SH3PXD2A: variants seen among roughly 807,000 people sequenced by gnomAD.
SH3PXD2A encodes SH3 and PX domains 2A, also known as SH3 and PX domain-containing protein 2A.
Under a neutral mutation model 115.2 loss-of-function variants are expected in SH3PXD2A, and 32 were observed. The observed-to-expected ratio is 0.28, with a 90% CI of 0.21 to 0.37. The LOEUF is 0.37. SH3PXD2A is among the 10% of genes least tolerant of loss of function. SH3PXD2A has a pLI of 1.00. For missense variants in SH3PXD2A, 1,328 were observed against 1,498.7 expected (o/e 0.89, Z 1.88); for synonymous variants, 610 against 629.1 (o/e 0.97, Z 0.45).
chr10:103,671,634 T>C (rs2037461280), intron 6 of SH3PXD2A, among the ~76,000 whole-genome samples: 1 of 152,128 alleles, frequency 6.6e-6, no homozygotes, highest in African/African-American at 2.4e-5. Context: ...CCCTTCTCCC[T>C]CATTACAATG....
chr10:103,693,092 G>A (rs1310330427), intron 5 of SH3PXD2A, 36 bp from the exon 6 acceptor site: 1 of 1,606,208 alleles, frequency 6.2e-7, no homozygotes, highest in African/African-American at 1.3e-5. Context: ...ACATGGTTAG[G>A]GCCGGGCGCG....
chr10:103,695,630 G>A (rs1365809371), intron 5 of SH3PXD2A, among the ~76,000 whole-genome samples: 1 of 152,112 alleles, frequency 6.6e-6, no homozygotes. Flanking sequence ...CATCTAGAAA[G>A]TGGTTAAAAT....
chr10:103,810,927 C>CAG (rs1345941105), intron 1 of SH3PXD2A, among the ~76,000 whole-genome samples: 1 of 4,592 alleles, frequency 2.2e-4, no homozygotes, highest in Non-Finnish European at 6.6e-4. Flanking sequence ...CACGGAGACA[C>CAG]ACACATGGAC....
rs542166181 is a variant in SH3PXD2A, at chr10:103,851,378, C to T, written c.72+3817G>A. Among the ~76,000 whole-genome samples the T allele has an allele frequency of 2.0e-5, 3 of 152,286 alleles. No individual in the cohort carries two copies. In the East Asian group the frequency reaches 5.8e-4, roughly 29 times the overall value. ...CACAGTGACCCGCCTGCGTTGCCCA[C>T]CATGAACTCACCTGCAGGGCACATG... On this transcript the variant is annotated intron_variant, in intron 1 of 14. Coordinates refer to ENST00000369774, the MANE Select transcript of SH3PXD2A (RefSeq NM_001394015.1).
At chr10:103,744,462 C>G (rs1017991908) in intron 3 of SH3PXD2A, among the ~76,000 whole-genome samples, 1 of 152,114 alleles carries the variant, frequency 6.6e-6, no homozygotes, top group African/African-American at 2.4e-5. Flanking sequence ...CCCTGCTTGT[C>G]TTTTTAAGTG....
intron 1 of SH3PXD2A, among the ~76,000 whole-genome samples, chr10:103,820,651 A>C (rs1248985809): frequency 6.6e-6 from 1 of 150,878 alleles, no homozygotes; most frequent in Non-Finnish European, 1.5e-5. Flanking sequence ...ACCCTTGCTC[A>C]CACCCAGGCC....
intron 1 of SH3PXD2A, among the ~76,000 whole-genome samples, chr10:103,847,589 C>T (rs7906908): frequency 0.87 from 132,260 of 152,176 alleles, 58,672 homozygotes; most frequent in East Asian, 0.99. Context: ...CCTTTTGAAG[C>T]ACTGGGATTA....
chr10:103,851,024 T>C (rs1449956158), intron 1 of SH3PXD2A, among the ~76,000 whole-genome samples: 2 of 150,524 alleles, frequency 1.3e-5, no homozygotes, highest in Non-Finnish European at 3.0e-5. Context: ...CAGGTAGGAT[T>C]CAAGCACTGA....
chr10:103,616,037 G>A (rs1272226301), intron 11 of SH3PXD2A, among the ~76,000 whole-genome samples: 1 of 150,698 alleles, frequency 6.6e-6, no homozygotes, highest in Admixed American at 6.6e-5. Context: ...GGCGGGGTGG[G>A]GGCGGGGTAG....
At chr10:103,722,948 C>G (rs561207270) in intron 5 of SH3PXD2A, among the ~76,000 whole-genome samples, 11 of 152,306 alleles carry the variant, frequency 7.2e-5, no homozygotes, top group Admixed American at 2.0e-4. Flanking sequence ...CCTCGAAATG[C>G]CCAGGCTATT....
rs927751864 is a variant in SH3PXD2A at position 103,706,585 on chromosome 10, C to T, written c.399-13529G>A. On this transcript the variant is annotated intron_variant, in intron 5 of 14. Transcript: ENST00000369774. ...ACAGTAGGCTCCCTGAGAGCAGGAACTGTGTGTGTCTTGCCAGGCCCAGCA... is the reference window on the plus strand; with the variant it reads ...ACAGTAGGCTCCCTGAGAGCAGGAATTGTGTGTGTCTTGCCAGGCCCAGCA... Among the ~76,000 whole-genome samples, 8 of 152,328 alleles carry T rather than the reference C, an allele frequency of 5.3e-5. No homozygotes were observed. The East Asian group carries it at 9.6e-4, about 18-fold the overall frequency.
intron 2 of SH3PXD2A, among the ~76,000 whole-genome samples, chr10:103,771,707 C>T (rs1283447686): frequency 2.6e-5 from 4 of 151,082 alleles, no homozygotes; most frequent in Non-Finnish European, 5.9e-5. Context: ...TGCACTCCAG[C>T]CTGGGCAACA....
rs143955346 is a variant in SH3PXD2A, at chr10:103,722,003, TAAG to T, written c.398+2264_398+2266del. Among the ~76,000 whole-genome samples, 3 of 152,098 alleles carry T rather than the reference TAAG, an allele frequency of 2.0e-5. No individual in the cohort carries two copies. The East Asian group carries it at 5.8e-4, about 29-fold the overall frequency. ...TGTTTTGTAATCTGTAATGTGGGGA[TAAG>T]AATATACAAGCCCTGGCCGGGCGCA... On this transcript the variant is annotated intron_variant, in intron 5 of 14. Coordinates refer to ENST00000369774, the MANE Select transcript of SH3PXD2A (RefSeq NM_001394015.1).
chr10:103,674,509 T>C (rs1174627377), intron 6 of SH3PXD2A, among the ~76,000 whole-genome samples: 2 of 152,194 alleles, frequency 1.3e-5, no homozygotes, highest in Non-Finnish European at 2.9e-5. Context: ...CAATTCGTAA[T>C]TCTTTAAAAG....
intron 2 of SH3PXD2A, among the ~76,000 whole-genome samples, chr10:103,799,918 G>C (rs886624535): frequency 6.6e-6 from 1 of 152,164 alleles, no homozygotes; most frequent in African/African-American, 2.4e-5. Context: ...GATTAAGAAA[G>C]GATTTGTAAT....
At chr10:103,767,766 A>T (rs992272550) in intron 2 of SH3PXD2A, among the ~76,000 whole-genome samples, 1 of 144,764 alleles carries the variant, frequency 6.9e-6, no homozygotes, top group Non-Finnish European at 1.5e-5. Context: ...CCAAGGACGG[A>T]CCCACTGGAA....
Position 103,661,082 on chromosome 10 carries a change from C to T in SH3PXD2A, c.505G>A (p.Glu169Lys). ...ADATAEPMIL[E>K]QYVVVSNYKK... ...TAGTTGGACACCACCACGTACTGTTCCAGGATCATGGGCTCGGCGGTGGCG... is the reference window on the plus strand; with the variant it reads ...TAGTTGGACACCACCACGTACTGTTTCAGGATCATGGGCTCGGCGGTGGCG... The change falls in exon 8 of 15, where the codon GAA (glutamate) becomes AAA (lysine). Residue 169 changes from glutamate (E) to lysine (K), a missense_variant. This residue lies in a region of SH3PXD2A where 90 missense variants were observed against 71.1 expected (regional missense o/e 1.27). Coordinates refer to ENST00000369774, the MANE Select transcript of SH3PXD2A (RefSeq NM_001394015.1). The T allele has an allele frequency of 3.7e-6, 6 of 1,614,032 alleles. No individual in the cohort carries two copies. The highest frequency in any genetic ancestry group is 4.2e-6 in the Non-Finnish European group (5 of 1,179,914).
At chr10:103,650,815 A>T (rs960757891) in intron 8 of SH3PXD2A, among the ~76,000 whole-genome samples, 1 of 152,178 alleles carries the variant, frequency 6.6e-6, no homozygotes, top group Non-Finnish European at 1.5e-5. Flanking sequence ...AGTGAAAATG[A>T]CTGACTCACT....
At chr10:103,735,092 C>T (rs1211921760) in intron 4 of SH3PXD2A, among the ~76,000 whole-genome samples, 3 of 152,218 alleles carry the variant, frequency 2.0e-5, no homozygotes, top group Admixed American at 6.5e-5. Context: ...AACTGAGGGC[C>T]GCTCATCCTC....
Sources: allele counts gnomAD v4.1 joint callset (sites outside exome capture counted in the v4.1 genomes callset), GRCh38; gene constraint gnomAD v4.1.1; regional missense constraint gnomAD v4.1.1; transcripts MANE v1.5; gene names NCBI Gene and HGNC (gene_info 2026-07-23, HGNC 2026-07-21).